The following DCP2 variants were observed in gnomAD, a reference collection of about 807,000 sequenced individuals.
The protein encoded by DCP2 is m7GpppN-mRNA hydrolase.
A neutral mutation model predicts 56.1 loss-of-function variants in DCP2; 30 were observed. That is an observed-to-expected ratio of 0.53 (90% CI 0.40 to 0.73). DCP2 has a LOEUF of 0.73. Among genes scored for constraint, DCP2 ranks in the 30% least tolerant of loss-of-function variants. The pLI is 0.00. For synonymous variants in DCP2, 197 were observed against 163.3 expected (o/e 1.21, Z -1.57); for missense variants, 533 against 502.7 (o/e 1.06, Z -0.58).
chr5:112,977,658 A>G (rs764236743), intron 1 of DCP2, among the ~76,000 whole-genome samples: 11 of 152,196 alleles, frequency 7.2e-5, no homozygotes, highest in African/African-American at 1.2e-4. Flanking sequence ...GTTTTAACTC[A>G]GGGTGTATAC....
In DCP2 at chr5:113,015,455, T is replaced by A. The variant is rs1446305165; in HGVS notation, c.*1971T>A. ...GCTCTCAATACTGAAGCAAAAGAGA[T>A]TATAGTTACCAGAAGTATGGCCTCT... On this transcript the variant is annotated 3_prime_UTR_variant, in exon 11 of 11. Transcript: ENST00000389063. 6.6e-6 allele frequency: 1 copy of A among 152,508 alleles called. No individual in the cohort carries two copies. Among genetic ancestry groups the A allele is most frequent in the African/African-American group, 2.4e-5 (1 of 41,406 alleles). The allele number at this position is 152,508 out of a possible 1,614,324, so 9.4% of individuals were successfully genotyped here. A position where few individuals can be genotyped will look rare whatever the true frequency, so the allele number is the denominator to read the frequency against.
rs1311190678 is a variant in DCP2, at chr5:113,018,395, A to G, written c.*4911A>G. 2 of 152,346 alleles carry G rather than the reference A, an allele frequency of 1.3e-5. No individual in the cohort carries two copies. The highest frequency in any genetic ancestry group is 3.9e-4 in the East Asian group (2 of 5,190). 9.4% of individuals were successfully genotyped at this position (152,346 alleles called of 1,614,324 possible). A position where few individuals can be genotyped will look rare whatever the true frequency, so the allele number is the denominator to read the frequency against. ...TTATCTTGGATCTTCTGTGGTTAGCAGAGGAGTATGGTCTAGCTATGTTAG... is the reference window on the plus strand; with the variant it reads ...TTATCTTGGATCTTCTGTGGTTAGCGGAGGAGTATGGTCTAGCTATGTTAG... On this transcript the variant is annotated 3_prime_UTR_variant, in exon 11 of 11. Transcript: ENST00000389063.
intron 1 of DCP2, among the ~76,000 whole-genome samples, chr5:112,985,309 C>T (rs1369403440): frequency 2.0e-5 from 3 of 151,886 alleles, no homozygotes; most frequent in African/African-American, 7.3e-5. Flanking sequence ...ATGGAAAAGA[C>T]AATTTAGGGT....
chr5:112,989,942 C>T (rs1387274199), intron 2 of DCP2, among the ~76,000 whole-genome samples: 1 of 152,032 alleles, frequency 6.6e-6, no homozygotes, highest in African/African-American at 2.4e-5. Context: ...ATTTGGATAT[C>T]TGAGGAGAAG....
At chr5:112,994,163 C>CTTTTTTTTTTTTTTTTT (rs771514208) in intron 4 of DCP2, among the ~76,000 whole-genome samples, 3 of 75,176 alleles carry the variant, frequency 4.0e-5, no homozygotes, top group African/African-American at 1.6e-4. Flanking sequence ...TTTTTTCTTT[C>CTTTTTTTTTTTTTTTTT]TTTTTTTTTT....
At chr5:113,004,540 T>G (rs1749323809) in intron 8 of DCP2, among the ~76,000 whole-genome samples, 1 of 152,232 alleles carries the variant, frequency 6.6e-6, no homozygotes, top group African/African-American at 2.4e-5. Context: ...TAATGCACAT[T>G]TTGGTTGTTT....
At chr5:112,983,512 G>T (rs1394633574) in intron 1 of DCP2, among the ~76,000 whole-genome samples, 2 of 152,204 alleles carry the variant, frequency 1.3e-5, no homozygotes, top group Non-Finnish European at 2.9e-5. Flanking sequence ...ACCATGCCTG[G>T]CAAGGCAGTA....
chr5:113,002,251 C>T (rs1159106979), intron 7 of DCP2, among the ~76,000 whole-genome samples: 1 of 151,882 alleles, frequency 6.6e-6, no homozygotes, highest in East Asian at 1.9e-4. Context: ...GGTGAAACCC[C>T]ATCTCTACTA....
At chr5:113,008,272 GTTTAT>G (rs1225535130) in intron 9 of DCP2, 1 of 384,592 alleles carries the variant, frequency 2.6e-6, no homozygotes, top group Non-Finnish European at 4.7e-6. Context: ...TTATGTGGCT[GTTTAT>G]TTTAATATCA....
intron 1 of DCP2, among the ~76,000 whole-genome samples, chr5:112,979,025 T>G (rs1181624249): frequency 6.8e-6 from 1 of 147,672 alleles, no homozygotes; most frequent in African/African-American, 2.7e-5. Context: ...CTGTTAACGA[T>G]TTTATGTATG....
At chr5:112,990,000 C>T (rs1426195549) in intron 2 of DCP2, among the ~76,000 whole-genome samples, 1 of 152,102 alleles carries the variant, frequency 6.6e-6, no homozygotes, top group Non-Finnish European at 1.5e-5. Context: ...AGTTGAGGAT[C>T]CCAGTTTCTT....
intron 1 of DCP2, among the ~76,000 whole-genome samples, chr5:112,981,671 C>G (rs1375002080): frequency 1.3e-5 from 2 of 152,136 alleles, no homozygotes; most frequent in African/African-American, 4.8e-5. Flanking sequence ...ATTCTCCGTT[C>G]TTATATCCTA....
chr5:112,997,358 C>T (rs1462957257), intron 4 of DCP2, among the ~76,000 whole-genome samples: 9 of 152,144 alleles, frequency 5.9e-5, no homozygotes, highest in Non-Finnish European at 5.9e-5. Flanking sequence ...TGAGAATAAG[C>T]GAATAATACT....
intron 1 of DCP2, among the ~76,000 whole-genome samples, chr5:112,977,642 C>T (rs182346882): frequency 9.6e-4 from 146 of 152,236 alleles, no homozygotes; most frequent in Non-Finnish European, 1.6e-4. Context: ...AATTCTCAAC[C>T]GCGGGGTTTT....
At chr5:112,993,110 G>C (rs951943314) in intron 4 of DCP2, among the ~76,000 whole-genome samples, 3 of 151,810 alleles carry the variant, frequency 2.0e-5, no homozygotes, top group African/African-American at 4.8e-5. Context: ...TTATAGCCTT[G>C]GCTTCCTGAC....
chr5:112,976,810 G>A lies in DCP2; in HGVS notation c.-124G>A, dbSNP rs770985860. 3.1e-6 allele frequency: 3 copies of A among 952,544 alleles called. No homozygotes were observed. Among genetic ancestry groups the A allele is most frequent in the African/African-American group, 1.6e-5 (1 of 62,224 alleles). 59.0% of individuals were successfully genotyped at this position (952,544 alleles called of 1,614,324 possible). On this transcript the variant is annotated 5_prime_UTR_variant, in exon 1 of 11. Transcript: ENST00000389063. Reference sequence around the variant, plus strand: ...GCCCCTTCCCCTTCTCGTCTCCGTTGGAGTCGTCTCTGCCGCGGCTTCCTC... The same window carrying A: ...GCCCCTTCCCCTTCTCGTCTCCGTTAGAGTCGTCTCTGCCGCGGCTTCCTC...
chr5:112,991,497 T>G lies in DCP2; in HGVS notation c.206-624T>G, dbSNP rs533562202. Among the ~76,000 whole-genome samples the G allele has an allele frequency of 4.6e-5, 7 of 152,344 alleles. No homozygotes were observed. The South Asian group carries it at 1.4e-3, about 32-fold the overall frequency. On this transcript the variant is annotated intron_variant, in intron 2 of 10. Coordinates refer to ENST00000389063, the MANE Select transcript of DCP2 (RefSeq NM_152624.6). ...GCTATGTTTTCCTTAATACCTGATT[T>G]GCCTTTCTCTGTAATCCTTAAAATA...
intron 1 of DCP2, among the ~76,000 whole-genome samples, chr5:112,982,823 A>G (rs1321005299): frequency 6.6e-6 from 1 of 152,204 alleles, no homozygotes; most frequent in African/African-American, 2.4e-5. Context: ...AGCGTCAGTT[A>G]AAAAACTTTC....
intron 1 of DCP2, among the ~76,000 whole-genome samples, chr5:112,983,509 C>T (rs1012367868): frequency 1.3e-5 from 2 of 152,124 alleles, no homozygotes; most frequent in South Asian, 4.1e-4. Context: ...ACTACCATGC[C>T]TGGCAAGGCA....
Sources: allele counts gnomAD v4.1 joint callset (sites outside exome capture counted in the v4.1 genomes callset), GRCh38; gene constraint gnomAD v4.1.1; transcripts MANE v1.5; gene names NCBI Gene and HGNC (gene_info 2026-07-23, HGNC 2026-07-21).